The following ZNF385D variants were observed in gnomAD, a reference collection of about 807,000 sequenced individuals.
The protein encoded by ZNF385D is zinc finger protein 385D.
A neutral mutation model predicts 35.8 loss-of-function variants in ZNF385D; 15 were observed. That is an observed-to-expected ratio of 0.42 (90% CI 0.28 to 0.64). ZNF385D has a LOEUF of 0.64. Ranked by LOEUF, ZNF385D falls within the 30% of genes least tolerant of loss-of-function variation. ZNF385D has a pLI of 0.23. For synonymous variants in ZNF385D, 212 were observed against 186.8 expected (o/e 1.13, Z -1.10); for missense variants, 474 against 494.6 (o/e 0.96, Z 0.39).
chr3:21,869,242 G>T (rs1184792845), intron 3 of ZNF385D, among the ~76,000 whole-genome samples: 3 of 152,042 alleles, frequency 2.0e-5, no homozygotes, highest in African/African-American at 7.2e-5. Flanking sequence ...TTTTGACAGG[G>T]CAGAGATACA....
chr3:22,015,513 T>A (rs1353119084), intron 3 of ZNF385D, among the ~76,000 whole-genome samples: 1 of 152,108 alleles, frequency 6.6e-6, no homozygotes, highest in Non-Finnish European at 1.5e-5. Context: ...CTTCATCAGT[T>A]TAGCACCTGG....
chr3:22,093,702 T>G (rs1306665964), intron 3 of ZNF385D, among the ~76,000 whole-genome samples: 1 of 152,146 alleles, frequency 6.6e-6, no homozygotes, highest in Non-Finnish European at 1.5e-5. Context: ...CTCATGTTAC[T>G]ACTTTTATTA....
intron 2 of ZNF385D, among the ~76,000 whole-genome samples, chr3:22,171,437 G>A (rs527979559): frequency 1.3e-5 from 2 of 152,206 alleles, no homozygotes; most frequent in South Asian, 2.1e-4. Flanking sequence ...AGAAAATAAA[G>A]ACTATATTAT....
chr3:21,759,893 G>T (rs902064942), intron 3 of ZNF385D, among the ~76,000 whole-genome samples: 1 of 152,118 alleles, frequency 6.6e-6, no homozygotes, highest in Non-Finnish European at 1.5e-5. Flanking sequence ...CAACTATCTA[G>T]AGTGAGCAGA....
At chr3:21,644,848 GCAA>G (rs2065706235) in intron 2 of ZNF385D, among the ~76,000 whole-genome samples, 1 of 152,136 alleles carries the variant, frequency 6.6e-6, no homozygotes, top group Non-Finnish European at 1.5e-5. Flanking sequence ...AAAAGTGACT[GCAA>G]CAACTTTTTT....
intron 4 of ZNF385D, among the ~76,000 whole-genome samples, chr3:21,501,435 C>A (rs987572443): frequency 6.6e-6 from 1 of 152,180 alleles, no homozygotes; most frequent in Non-Finnish European, 1.5e-5. Context: ...ATTCTTAATT[C>A]AAATATTTGT....
chr3:22,310,940 T>A (rs2125427593), intron 2 of ZNF385D, among the ~76,000 whole-genome samples: 1 of 152,010 alleles, frequency 6.6e-6, no homozygotes, highest in African/African-American at 2.4e-5. Flanking sequence ...TTTATGAAGT[T>A]TTTGATGTTA....
chr3:22,362,786 T>C (rs185402514), intron 2 of ZNF385D, among the ~76,000 whole-genome samples: 3 of 152,218 alleles, frequency 2.0e-5, no homozygotes, highest in East Asian at 1.9e-4. Flanking sequence ...TTAAGGCAAA[T>C]TGCAGAATAT....
intron 2 of ZNF385D, among the ~76,000 whole-genome samples, chr3:22,211,544 G>A (rs766778744): frequency 6.6e-6 from 1 of 151,972 alleles, no homozygotes; most frequent in Non-Finnish European, 1.5e-5. Context: ...TTGGATAGGT[G>A]AACCAGGAGA....
At chr3:21,625,796 C>T (rs896254107) in intron 2 of ZNF385D, among the ~76,000 whole-genome samples, 3 of 152,094 alleles carry the variant, frequency 2.0e-5, no homozygotes, top group Non-Finnish European at 2.9e-5. Flanking sequence ...CAGTAGCACA[C>T]AGTGAGTATC....
At chr3:21,923,630 G>A in intron 3 of ZNF385D, among the ~76,000 whole-genome samples, 1 of 152,116 alleles carries the variant, frequency 6.6e-6, no homozygotes, top group South Asian at 2.1e-4. Flanking sequence ...GTGGTGGACT[G>A]GATAAAAATA....
chr3:21,576,139 G>A (rs531894319), intron 2 of ZNF385D, among the ~76,000 whole-genome samples: 17 of 152,060 alleles, frequency 1.1e-4, no homozygotes, highest in Non-Finnish European at 1.2e-4. Flanking sequence ...TGGTTTATCC[G>A]GTTCTCTCAT....
chr3:21,992,457 T>A (rs1163061052), intron 3 of ZNF385D, among the ~76,000 whole-genome samples: 1 of 152,176 alleles, frequency 6.6e-6, no homozygotes, highest in Non-Finnish European at 1.5e-5. Context: ...TATATTATCA[T>A]CATCCATCAC....
At chr3:21,594,421 G>A (rs2064071164) in intron 2 of ZNF385D, among the ~76,000 whole-genome samples, 1 of 152,176 alleles carries the variant, frequency 6.6e-6, no homozygotes, top group Admixed American at 6.5e-5. Flanking sequence ...GTACACTTGA[G>A]GAGGAGCAGA....
rs116631712 is a variant in ZNF385D, at chr3:22,350,687, T to C, written c.106+21763A>G. Among the ~76,000 whole-genome samples, 270 of 152,214 alleles carry C rather than the reference T, an allele frequency of 1.8e-3. 2 individuals carry two copies. The highest frequency in any genetic ancestry group is 6.2e-3 in the African/African-American group (259 of 41,550). On this transcript the variant is annotated intron_variant, in intron 2 of 5. Transcript: ENST00000494108. ...CTCCAAAAGATAATGTATTTCTTTT[T>C]TTTGTTGTTTTTTTCACATGCGATT...
In ZNF385D at chr3:21,437,022, C is replaced by T. The variant is rs1477203080; in HGVS notation, c.621G>A (p.Ser207=). The T allele has an allele frequency of 3.1e-6, 5 of 1,613,930 alleles. No individual in the cohort carries two copies. The highest frequency in any genetic ancestry group is 2.2e-5 in the East Asian group (1 of 44,876). ...CAGAGTTGACAGCAACCTTGCATAG[C>T]GAACAGTAAAGAAGCCGTTTTGCCT... The part of the protein sequence containing the change: ...EEKAKRLLYC[S]LCKVAVNSAS... Residue 207 remains serine (S), a synonymous_variant, in exon 5 of 8, where the codon TCG becomes TCA. Transcript: ENST00000281523.
At chr3:21,928,283 A>G (rs1700837783) in intron 3 of ZNF385D, among the ~76,000 whole-genome samples, 1 of 139,796 alleles carries the variant, frequency 7.2e-6, no homozygotes, top group East Asian at 2.4e-4. Context: ...GGAAGAGAGG[A>G]AGGAAGGAAG....
At chr3:21,438,016 A>T (rs938586035) in intron 4 of ZNF385D, among the ~76,000 whole-genome samples, 9 of 152,126 alleles carry the variant, frequency 5.9e-5, no homozygotes, top group Admixed American at 5.9e-4. Flanking sequence ...ATGTTGATGC[A>T]CTGTAACTCT....
chr3:21,661,449 C>T (rs1036088290), intron 2 of ZNF385D, among the ~76,000 whole-genome samples: 7 of 152,168 alleles, frequency 4.6e-5, no homozygotes, highest in Admixed American at 2.6e-4. Flanking sequence ...TGCTGAATAA[C>T]TAGCAGTTGA....
Sources: allele counts gnomAD v4.1 joint callset (sites outside exome capture counted in the v4.1 genomes callset), GRCh38; gene constraint gnomAD v4.1.1; transcripts MANE v1.5; gene names NCBI Gene and HGNC (gene_info 2026-07-23, HGNC 2026-07-21).